Variants in SNU13 observed in about 807,000 individuals in gnomAD.
SNU13 encodes the protein small nuclear ribonucleoprotein 13, also known as NHP2-like protein 1.
Under a neutral mutation model 12.4 loss-of-function variants are expected in SNU13, and 2 were observed. The observed-to-expected ratio is 0.16, with a 90% CI of 0.07 to 0.51. The LOEUF (loss-of-function observed/expected upper bound fraction) is 0.51. Among genes scored for constraint, SNU13 ranks in the 20% least tolerant of loss-of-function variants. The pLI is 0.96. For synonymous variants in SNU13, 68 were observed against 66.5 expected (o/e 1.02, Z -0.11); for missense variants, 66 against 157.8 (o/e 0.42, Z 3.12).
intron 2 of SNU13, among the ~76,000 whole-genome samples, chr22:41,676,608 T>C (rs917400490): frequency 6.6e-6 from 1 of 152,072 alleles, no homozygotes; most frequent in African/African-American, 2.4e-5. Flanking sequence ...TGGGTTTGAA[T>C]TGAAGAAAAA....
upstream of SNU13, chr22:41,688,973 A>T (rs764214620): frequency 3.5e-5 from 47 of 1,347,602 alleles, no homozygotes; most frequent in Non-Finnish European, 4.3e-5. Context: ...ACTGGCGCGG[A>T]AACTGGCCCT....
At chr22:41,683,722 T>C (rs2068285586) in intron 1 of SNU13, among the ~76,000 whole-genome samples, 1 of 152,148 alleles carries the variant, frequency 6.6e-6, no homozygotes, top group African/African-American at 2.4e-5. Flanking sequence ...AAATTGACCC[T>C]ATATAGGGTT....
chr22:41,678,809 C>G (rs2068236543), intron 2 of SNU13, among the ~76,000 whole-genome samples: 1 of 152,210 alleles, frequency 6.6e-6, no homozygotes, highest in South Asian at 2.1e-4. Flanking sequence ...CCCACAGAGT[C>G]TACTTTATCT....
intron 2 of SNU13, among the ~76,000 whole-genome samples, chr22:41,678,394 G>A (rs182478742): frequency 1.3e-5 from 2 of 152,076 alleles, no homozygotes; most frequent in East Asian, 1.9e-4. Flanking sequence ...ATATACATGC[G>A]CCTGGCACAT....
intron 2 of SNU13, among the ~76,000 whole-genome samples, chr22:41,679,440 C>T (rs1213770775): frequency 6.6e-6 from 1 of 152,002 alleles, no homozygotes; most frequent in Non-Finnish European, 1.5e-5. Flanking sequence ...CCTGTAATCC[C>T]AGCTACTTGG....
rs573505988 is a variant in SNU13 at position 41,686,720 on chromosome 22, C to T, written c.3+2074G>A. Among the ~76,000 whole-genome samples, 14 of 148,418 alleles carry T rather than the reference C, an allele frequency of 9.4e-5. No homozygotes were observed. The East Asian group carries it at 2.0e-3, about 21-fold the overall frequency. On this transcript the variant is annotated intron_variant, in intron 1 of 2. Coordinates refer to ENST00000401959, the MANE Select transcript of SNU13 (RefSeq NM_001003796.2). ...CGGCTCACTGCAAACACCGCCTCCC[C>T]GGTTATAGTGATTCTCCTGCCTCAG...
At chr22:41,679,075 G>C (rs564834140) in intron 2 of SNU13, among the ~76,000 whole-genome samples, 1 of 151,392 alleles carries the variant, frequency 6.6e-6, no homozygotes, top group Non-Finnish European at 1.5e-5. Flanking sequence ...CTGGGCGACA[G>C]AGCGAGATTC....
At chr22:41,682,561 G>A (rs2068274373) in intron 1 of SNU13, 1 of 1,456,038 alleles carries the variant, frequency 6.9e-7, no homozygotes, top group African/African-American at 1.4e-5. Context: ...CCTTATCTTA[G>A]GCGAATTTGT....
At chr22:41,679,844 G>A (rs1050957216) in intron 2 of SNU13, 18 of 153,176 alleles carry the variant, frequency 1.2e-4, no homozygotes, top group Non-Finnish European at 2.3e-4. Context: ...AAAAAAAAGG[G>A]AGAGGGGTAG....
intron 1 of SNU13, among the ~76,000 whole-genome samples, chr22:41,684,957 C>T (rs1031564220): frequency 3.9e-5 from 6 of 152,220 alleles, no homozygotes; most frequent in South Asian, 2.1e-4. Context: ...GAGTTCAAGA[C>T]CAGCCTGGAT....
chr22:41,683,194 T>C (rs1440964313), intron 1 of SNU13, among the ~76,000 whole-genome samples: 1 of 152,112 alleles, frequency 6.6e-6, no homozygotes, highest in African/African-American at 2.4e-5. Flanking sequence ...AGAAGGTCTT[T>C]CACCATGTTG....
At chr22:41,682,707 G>GTC in intron 1 of SNU13, 2 of 497,118 alleles carry the variant, frequency 4.0e-6, no homozygotes, top group South Asian at 5.6e-5. Context: ...TAGAGACGGA[G>GTC]TCTCCCTCTG....
chr22:41,683,893 A>C (rs777692338), intron 1 of SNU13, among the ~76,000 whole-genome samples: 1 of 151,734 alleles, frequency 6.6e-6, no homozygotes, highest in Non-Finnish European at 1.5e-5. Flanking sequence ...GGAGTTTAGG[A>C]GCAGGGTTTT....
At chr22:41,682,536 G>T (rs141496334) in intron 1 of SNU13, 20 of 1,495,282 alleles carry the variant, frequency 1.3e-5, no homozygotes, top group Non-Finnish European at 1.5e-5. Context: ...AGGACGCCCT[G>T]TCTTCTACGT....
chr22:41,687,007 G>C (rs1470142573), intron 1 of SNU13, among the ~76,000 whole-genome samples: 1 of 151,540 alleles, frequency 6.6e-6, no homozygotes, highest in Admixed American at 6.6e-5. Flanking sequence ...ACGGGCTGGA[G>C]TGCAGTGGTG....
chr22:41,682,129 G>A (rs1191848236), intron 1 of SNU13, among the ~76,000 whole-genome samples: 1 of 152,014 alleles, frequency 6.6e-6, no homozygotes, highest in Non-Finnish European at 1.5e-5. Context: ...CCTAACCTCG[G>A]CCTTGGAGGC....
chr22:41,681,303 T>C (rs542366911), intron 1 of SNU13: 37 of 152,364 alleles, frequency 2.4e-4, no homozygotes, highest in South Asian at 8.3e-4. Flanking sequence ...TCAAAAGTTA[T>C]TCAAATTAAA....
intron 2 of SNU13, among the ~76,000 whole-genome samples, chr22:41,675,699 G>A (rs1271486507): frequency 1.3e-5 from 2 of 150,688 alleles, no homozygotes; most frequent in Non-Finnish European, 3.0e-5. Context: ...TGAAATTACA[G>A]GTATGAGCCA....
intron 1 of SNU13, among the ~76,000 whole-genome samples, chr22:41,686,889 TGCTGGGATTACAG>T (rs2068315251): frequency 6.6e-6 from 1 of 151,900 alleles, no homozygotes; most frequent in African/African-American, 2.4e-5. Flanking sequence ...CCTCCCAAAG[TGCTGGGATTACAG>T]GCGTGAGCCA....
Sources: allele counts gnomAD v4.1 joint callset (sites outside exome capture counted in the v4.1 genomes callset), GRCh38; gene constraint gnomAD v4.1.1; transcripts MANE v1.5; gene names NCBI Gene and HGNC (gene_info 2026-07-23, HGNC 2026-07-21).